PATJ: variants seen among roughly 807,000 people sequenced by gnomAD.
PATJ encodes inaD-like protein.
A neutral mutation model predicts 224.9 loss-of-function variants in PATJ; 190 were observed. That is an observed-to-expected ratio of 0.84 (90% CI 0.75 to 0.95). The LOEUF (loss-of-function observed/expected upper bound fraction) is 0.95, where lower values mean the gene tolerates loss of function less well. Ranked by LOEUF, PATJ falls within the 40% of genes least tolerant of loss-of-function variation. The pLI is 0.00. For synonymous variants in PATJ, 769 were observed against 820.3 expected (o/e 0.94, Z 1.07); for missense variants, 2,121 against 2,270.3 (o/e 0.93, Z 1.34).
chr1:61,901,881 G>A (rs992597737), intron 24 of PATJ, among the ~76,000 whole-genome samples: 2 of 152,088 alleles, frequency 1.3e-5, no homozygotes, highest in African/African-American at 2.4e-5. Context: ...TTGGGTGAGG[G>A]GAGGATCCAT....
At chr1:61,755,178 G>T in intron 1 of PATJ, among the ~76,000 whole-genome samples, 1 of 151,620 alleles carries the variant, frequency 6.6e-6, no homozygotes, top group East Asian at 1.9e-4. Context: ...GCGTAGTGGC[G>T]GGTGCCTGTA....
chr1:61,758,643 G>A (rs985306992), intron 1 of PATJ, among the ~76,000 whole-genome samples: 9 of 152,008 alleles, frequency 5.9e-5, no homozygotes, highest in African/African-American at 1.5e-4. Context: ...CACCACGCCC[G>A]GCCCTACTGT....
At position 61,861,645 on chromosome 1, in the gene PATJ, C is replaced by G. The variant is rs1264413189; in HGVS notation, c.2417C>G (p.Ser806Cys). 1 of 1,430,042 alleles carries G rather than the reference C, an allele frequency of 7.0e-7. No individual in the cohort carries two copies. The highest frequency in any genetic ancestry group is 2.6e-5 in the Admixed American group (1 of 39,188). The allele number at this position is 1,430,042 out of a possible 1,614,324, so 88.6% of individuals were successfully genotyped here. ...GGAACAATTCATGATATAAATTCAT[C>G]TTTAATACTCGAAGCACCCAAGGTA... ...FSGTIHDINSSLILEAPKGFR... is the reference protein window; with the variant it reads ...FSGTIHDINSCLILEAPKGFR... Residue 806 changes from serine to cysteine, a missense_variant, in exon 19 of 44, where the codon TCT (serine) becomes TGT (cysteine). Coordinates refer to ENST00000642238, the MANE Select transcript of PATJ (RefSeq NM_001350145.3).
chr1:62,084,115 A>C (rs927015657), intron 32 of PATJ, among the ~76,000 whole-genome samples: 8 of 152,140 alleles, frequency 5.3e-5, no homozygotes, highest in African/African-American at 1.9e-4. Context: ...TTAGCCAGGC[A>C]TGGTGGTGGG....
At chr1:62,000,713 A>G (rs1379085960) in intron 28 of PATJ, among the ~76,000 whole-genome samples, 1 of 150,940 alleles carries the variant, frequency 6.6e-6, no homozygotes, top group Admixed American at 6.6e-5. Context: ...GTATATACCC[A>G]GTAATGGGAT....
chr1:62,148,773 C>G (rs144918090), intron 42 of PATJ, among the ~76,000 whole-genome samples: 1 of 152,074 alleles, frequency 6.6e-6, no homozygotes, highest in East Asian at 1.9e-4. Flanking sequence ...TCATTAAAAC[C>G]AGTCATCGCA....
At chr1:62,160,712 C>G (rs948434576) in intron 43 of PATJ, among the ~76,000 whole-genome samples, 196 bp from the exon 44 acceptor site, 6 of 152,174 alleles carry the variant, frequency 3.9e-5, no homozygotes, top group African/African-American at 1.4e-4. Context: ...ATTATAGTTA[C>G]TATTCAACCA....
At chr1:61,874,203 T>A (rs1227957891) in intron 20 of PATJ, among the ~76,000 whole-genome samples, 1 of 150,006 alleles carries the variant, frequency 6.7e-6, no homozygotes, top group Non-Finnish European at 1.5e-5. Flanking sequence ...TTTATTTATT[T>A]ATTTATTTAT....
At position 62,072,286 on chromosome 1, in the gene PATJ, GT is replaced by G. The variant is rs561953729; in HGVS notation, c.4126-7156del. Among the ~76,000 whole-genome samples, 358 of 151,840 alleles carry G rather than the reference GT, an allele frequency of 2.4e-3. 1 individual carries two copies. Among genetic ancestry groups the G allele is most frequent in the Admixed American group, 3.5e-3 (54 of 15,222 alleles). On this transcript the variant is annotated intron_variant, in intron 31 of 43. Coordinates refer to ENST00000642238, the MANE Select transcript of PATJ (RefSeq NM_001350145.3). ...TCCCCCAGTATTTTCTGTAGCCGTG[GT>G]TTTTTTTGTTTTTGTTTTTTTGTTT...
chr1:61,796,601 G>A (rs961005590), intron 10 of PATJ, among the ~76,000 whole-genome samples: 3 of 152,040 alleles, frequency 2.0e-5, no homozygotes, highest in Non-Finnish European at 4.4e-5. Context: ...AAGTTTCTCA[G>A]CATGTTTTAC....
chr1:61,862,982 C>T (rs1664848104), intron 19 of PATJ, among the ~76,000 whole-genome samples: 1 of 143,622 alleles, frequency 7.0e-6, no homozygotes. Flanking sequence ...AATACATCCT[C>T]TAACCACATT....
chr1:62,098,776 G>A (rs538819758), intron 33 of PATJ, among the ~76,000 whole-genome samples: 53 of 152,154 alleles, frequency 3.5e-4, no homozygotes, highest in African/African-American at 1.3e-3. Flanking sequence ...TCACATTCTA[G>A]TTGAATATAA....
At chr1:61,923,829 G>T (rs895307038) in intron 26 of PATJ, among the ~76,000 whole-genome samples, 1 of 151,578 alleles carries the variant, frequency 6.6e-6, no homozygotes. Flanking sequence ...GGCTGAGGAA[G>T]GAGACTCGCA....
chr1:61,849,451 C>A (rs1662472963), intron 17 of PATJ, among the ~76,000 whole-genome samples: 1 of 151,962 alleles, frequency 6.6e-6, no homozygotes, highest in Non-Finnish European at 1.5e-5. Context: ...AACGATTTAG[C>A]TGAATGTGGT....
At chr1:61,742,801 G>A (rs1367608555) in intron 1 of PATJ, among the ~76,000 whole-genome samples, 1 of 150,234 alleles carries the variant, frequency 6.7e-6, no homozygotes, top group African/African-American at 2.4e-5. Context: ...GAGGCGGGGC[G>A]GGGGCGCCGT....
intron 7 of PATJ, among the ~76,000 whole-genome samples, chr1:61,780,318 A>G (rs1647177946): frequency 6.6e-6 from 1 of 152,098 alleles, no homozygotes; most frequent in Non-Finnish European, 1.5e-5. Context: ...ACAAAAAATT[A>G]GCCAGGTGTG....
chr1:61,925,836 A>C (rs1306133434), intron 26 of PATJ, among the ~76,000 whole-genome samples: 1 of 152,238 alleles, frequency 6.6e-6, no homozygotes, highest in African/African-American at 2.4e-5. Flanking sequence ...TATTGAAGAG[A>C]GTGCTAAAAG....
chr1:61,885,438 A>C (rs1317758902), intron 22 of PATJ, among the ~76,000 whole-genome samples: 2 of 152,230 alleles, frequency 1.3e-5, no homozygotes, highest in African/African-American at 2.4e-5. Flanking sequence ...GCTCATCATC[A>C]CTGGCCATCA....
chr1:61,899,641 G>A lies in PATJ; in HGVS notation c.3190G>A (p.Gly1064Ser), dbSNP rs745681656. 6.2e-6 allele frequency: 10 copies of A among 1,604,414 alleles called. No homozygotes were observed. In the South Asian group the frequency reaches 1.1e-4, roughly 18 times the overall value. ...AGAAACTCCAAATTTTAGCCACTGG[G>A]GTCCACCGAGAATGTATGTGGATGA... ...GEETPNFSHW[G>S]PPRIVEIFRE... The change falls in exon 23 of 44, where the codon GGT (glycine) becomes AGT (serine). Residue 1064 changes from glycine to serine, a missense_variant. By Grantham distance (56) the Gly-to-Ser change is moderately conservative. Coordinates refer to ENST00000642238, the MANE Select transcript of PATJ (RefSeq NM_001350145.3).
Sources: allele counts gnomAD v4.1 joint callset (sites outside exome capture counted in the v4.1 genomes callset), GRCh38; gene constraint gnomAD v4.1.1; transcripts MANE v1.5; gene names NCBI Gene and HGNC (gene_info 2026-07-23, HGNC 2026-07-21).